The following NTM variants were observed in gnomAD, a reference collection of about 807,000 sequenced individuals.
The protein encoded by NTM is IgLON family member 2.
A neutral mutation model predicts 42.1 loss-of-function variants in NTM; 13 were observed. That is an observed-to-expected ratio of 0.31 (90% CI 0.20 to 0.49). The LOEUF (loss-of-function observed/expected upper bound fraction) is 0.49. Ranked by LOEUF, NTM falls within the 20% of genes least tolerant of loss-of-function variation. The pLI is 0.99. For missense variants in NTM, 373 were observed against 452.8 expected (o/e 0.82, Z 1.60); for synonymous variants, 187 against 179.2 (o/e 1.04, Z -0.35).
At chr11:132,325,139 G>C (rs1164581851) in intron 7 of NTM, among the ~76,000 whole-genome samples, 1 of 152,064 alleles carries the variant, frequency 6.6e-6, no homozygotes, top group African/African-American at 2.4e-5. Context: ...AACACCAAAA[G>C]CAATGGCAAC....
intron 1 of NTM, among the ~76,000 whole-genome samples, chr11:131,813,139 T>C (rs185934009): frequency 4.6e-5 from 7 of 152,350 alleles, no homozygotes; most frequent in Admixed American, 4.6e-4. Flanking sequence ...GGGTGCTCAC[T>C]GTCATTCAGC....
intron 2 of NTM, among the ~76,000 whole-genome samples, chr11:131,919,164 T>TA (rs35708829): frequency 0.36 from 54,698 of 150,546 alleles, 10,741 homozygotes; most frequent in East Asian, 0.73. Context: ...GGGAATCTTG[T>TA]AAAAAAAGAT....
chr11:131,788,339 C>T (rs2089610710), intron 1 of NTM, among the ~76,000 whole-genome samples: 1 of 152,010 alleles, frequency 6.6e-6, no homozygotes, highest in Admixed American at 6.5e-5. Context: ...CCTTATGGAT[C>T]ATTTCATTTT....
At chr11:132,097,989 G>C (rs1236777828) in intron 2 of NTM, among the ~76,000 whole-genome samples, 1 of 152,196 alleles carries the variant, frequency 6.6e-6, no homozygotes, top group Non-Finnish European at 1.5e-5. Context: ...GCCCAATTAA[G>C]GCAAAGAAAG....
Position 131,625,238 on chromosome 11 carries a change from A to T in NTM, c.82+254350A>T, listed in dbSNP as rs554943529. On this transcript the variant is annotated intron_variant, in intron 1 of 8. Coordinates refer to ENST00000683400, the MANE Select transcript of NTM (RefSeq NM_001352005.2). ...GAATGTGTCCCTTTGAAAGCACCTGACTACATCAGAGGCCGAAATGCAGAT... is the reference window on the plus strand; with the variant it reads ...GAATGTGTCCCTTTGAAAGCACCTGTCTACATCAGAGGCCGAAATGCAGAT... 4.6e-5 allele frequency among the ~76,000 whole-genome samples: 7 copies of T among 152,314 alleles called. No homozygotes were observed. The East Asian group carries it at 1.4e-3, about 29-fold the overall frequency.
chr11:131,696,078 A>T (rs2075406093), intron 1 of NTM, among the ~76,000 whole-genome samples: 1 of 152,218 alleles, frequency 6.6e-6, no homozygotes, highest in Non-Finnish European at 1.5e-5. Flanking sequence ...GACAGACATG[A>T]AAGAACCCAC....
chr11:131,446,156 C>T (rs994312293), intron 1 of NTM, among the ~76,000 whole-genome samples: 3 of 152,196 alleles, frequency 2.0e-5, no homozygotes, highest in Admixed American at 2.0e-4. Flanking sequence ...TCTTATAGAT[C>T]AGAGATTTCC....
intron 1 of NTM, among the ~76,000 whole-genome samples, chr11:131,793,858 C>G (rs1245726034): frequency 6.6e-6 from 1 of 152,174 alleles, no homozygotes; most frequent in Non-Finnish European, 1.5e-5. Context: ...AGCTGCTGTG[C>G]TGGGCTCTGC....
rs546433536 is a variant in NTM at position 131,849,909 on chromosome 11, C to T, written c.83-61655C>T. Among the ~76,000 whole-genome samples the T allele has an allele frequency of 2.4e-3, 356 of 151,370 alleles. 1 individual carries two copies. The highest frequency in any genetic ancestry group is 8.3e-3 in the African/African-American group (341 of 41,200). ...ATGGGTGCAGCACACCAACATGGCACATGTATACATATGTAACAAACCTGC... is the reference window on the plus strand; with the variant it reads ...ATGGGTGCAGCACACCAACATGGCATATGTATACATATGTAACAAACCTGC... On this transcript the variant is annotated intron_variant, in intron 1 of 8. Transcript: ENST00000683400.
chr11:131,449,875 G>A (rs1950353988), intron 1 of NTM, among the ~76,000 whole-genome samples: 1 of 152,212 alleles, frequency 6.6e-6, no homozygotes, highest in African/African-American at 2.4e-5. Context: ...ATGAAAACTG[G>A]GTGAGTCAAG....
chr11:132,088,649 C>A (rs77897212), intron 2 of NTM, among the ~76,000 whole-genome samples: 2 of 152,136 alleles, frequency 1.3e-5, no homozygotes, highest in Admixed American at 6.5e-5. Context: ...TCCTCCAGTG[C>A]GCATGTGGGC....
At chr11:131,733,589 G>A (rs1374684479) in intron 1 of NTM, among the ~76,000 whole-genome samples, 3 of 150,964 alleles carry the variant, frequency 2.0e-5, no homozygotes, top group African/African-American at 7.3e-5. Flanking sequence ...GTGCAGTGGT[G>A]CGATCTCAGC....
intron 1 of NTM, among the ~76,000 whole-genome samples, chr11:131,869,318 A>T (rs1209877915): frequency 6.6e-6 from 1 of 152,150 alleles, no homozygotes; most frequent in African/African-American, 2.4e-5. Context: ...CCATTGTTTC[A>T]GAGGAGGAGT....
At chr11:132,086,439 G>A (rs2059725102) in intron 2 of NTM, among the ~76,000 whole-genome samples, 1 of 152,004 alleles carries the variant, frequency 6.6e-6, no homozygotes, top group African/African-American at 2.4e-5. Context: ...AAACATAAAG[G>A]CCTTTTAAAT....
At position 131,900,387 on chromosome 11, in the gene NTM, A is replaced by G. The variant is rs1022281267; in HGVS notation, c.83-11177A>G. On this transcript the variant is annotated intron_variant, in intron 1 of 8. Coordinates refer to ENST00000683400, the MANE Select transcript of NTM (RefSeq NM_001352005.2). ...ACAGGAAGGATTTGGAGCTTTATTC[A>G]AATTGCAGTGTGGAGCCACCAAAGA... 5.3e-5 allele frequency among the ~76,000 whole-genome samples: 8 copies of G among 152,232 alleles called. No individual in the cohort carries two copies. In the East Asian group the frequency reaches 1.5e-3, roughly 29 times the overall value.
intron 2 of NTM, among the ~76,000 whole-genome samples, chr11:131,913,626 C>G (rs1031028115): frequency 6.6e-6 from 1 of 151,950 alleles, no homozygotes; most frequent in African/African-American, 2.4e-5. Context: ...TCTGCCGGTC[C>G]CCCTCTCTCT....
At chr11:132,171,201 G>A (rs1477473223) in intron 3 of NTM, among the ~76,000 whole-genome samples, 1 of 152,150 alleles carries the variant, frequency 6.6e-6, no homozygotes, top group Non-Finnish European at 1.5e-5. Flanking sequence ...GCTCACCGAG[G>A]TCAAACAAGC....
intron 1 of NTM, among the ~76,000 whole-genome samples, chr11:131,589,280 A>G (rs2137265410): frequency 6.6e-6 from 1 of 152,084 alleles, no homozygotes; most frequent in African/African-American, 2.4e-5. Flanking sequence ...ACCATTAATA[A>G]TACACATGAA....
intron 1 of NTM, among the ~76,000 whole-genome samples, chr11:131,743,050 G>T (rs2081375518): frequency 6.6e-6 from 1 of 152,128 alleles, no homozygotes; most frequent in Non-Finnish European, 1.5e-5. Context: ...TTCAATTATT[G>T]CAAGAAAGGA....
Sources: gnomAD v4.1 joint callset for allele counts (sites outside exome capture counted in the v4.1 genomes callset) on GRCh38, gnomAD v4.1.1 for gene constraint, MANE v1.5 for transcripts, NCBI Gene and HGNC (gene_info 2026-07-23, HGNC 2026-07-21) for gene names.